The following NTRK2 variants were observed in gnomAD, a reference collection of about 807,000 sequenced individuals.
NTRK2 encodes neurotrophic receptor tyrosine kinase 2.
In NTRK2, 13 loss-of-function variants were observed where a neutral mutation model predicts 94.5. The observed-to-expected ratio is 0.14, with a 90% CI of 0.09 to 0.22. NTRK2 has a LOEUF of 0.22. NTRK2 is among the 10% of genes least tolerant of loss of function. NTRK2 has a pLI of 1.00. For synonymous variants in NTRK2, 372 were observed against 407.4 expected (o/e 0.91, Z 1.05); for missense variants, 639 against 1,071.2 (o/e 0.60, Z 5.63).
chr9:84,975,539 A>C (rs994408480), intron 17 of NTRK2, among the ~76,000 whole-genome samples: 1 of 152,242 alleles, frequency 6.6e-6, no homozygotes, highest in African/African-American at 2.4e-5. Flanking sequence ...TTGCACAGGC[A>C]GTGCAGCAGC....
intron 2 of NTRK2, among the ~76,000 whole-genome samples, chr9:84,678,937 A>G (rs550551742): frequency 1.3e-5 from 2 of 152,334 alleles, no homozygotes; most frequent in East Asian, 3.9e-4. Context: ...GTTGAAACTC[A>G]GTCACCAGGG....
In NTRK2 at chr9:84,808,477, G is replaced by A. The variant is rs1313831557; in HGVS notation, c.1397-52563G>A. 2.6e-5 allele frequency among the ~76,000 whole-genome samples: 4 copies of A among 152,306 alleles called. No homozygotes were observed. In the East Asian group the frequency reaches 7.7e-4, roughly 29 times the overall value. On this transcript the variant is annotated intron_variant, in intron 12 of 18. Transcript: ENST00000277120. Reference sequence around the variant, plus strand: ...AGTTTCTCCTGTTTTTATTGACAAAGTTGACATCCTTATATTAATACTCAT... The same window carrying A: ...AGTTTCTCCTGTTTTTATTGACAAAATTGACATCCTTATATTAATACTCAT...
intron 6 of NTRK2, among the ~76,000 whole-genome samples, chr9:84,713,046 CTATT>C (rs1354305330): frequency 1.3e-5 from 2 of 152,164 alleles, no homozygotes; most frequent in African/African-American, 4.8e-5. Flanking sequence ...ATGGCTGTAT[CTATT>C]TATGCCCACC....
At chr9:84,740,556 A>G (rs956410725) in intron 9 of NTRK2, among the ~76,000 whole-genome samples, 15 of 152,342 alleles carry the variant, frequency 9.8e-5, no homozygotes, top group African/African-American at 3.4e-4. Context: ...TGCACTGCAC[A>G]ATTTCCCATC....
At chr9:85,004,738 A>G (rs1407082011) in intron 17 of NTRK2, among the ~76,000 whole-genome samples, 1 of 152,214 alleles carries the variant, frequency 6.6e-6, no homozygotes, top group African/African-American at 2.4e-5. Flanking sequence ...CCAGGATACC[A>G]TAAGGGCAGC....
At chr9:84,754,888 G>T (rs1486934094) in intron 12 of NTRK2, among the ~76,000 whole-genome samples, 1 of 152,112 alleles carries the variant, frequency 6.6e-6, no homozygotes, top group East Asian at 1.9e-4. Context: ...GGTTTATTTC[G>T]AGTGTTGACT....
At chr9:84,979,439 G>T (rs1011657764) in intron 17 of NTRK2, among the ~76,000 whole-genome samples, 3 of 152,204 alleles carry the variant, frequency 2.0e-5, no homozygotes, top group Non-Finnish European at 4.4e-5. Context: ...CTGGAGATGT[G>T]ACTGAATTGT....
intron 14 of NTRK2, among the ~76,000 whole-genome samples, chr9:84,896,012 C>T (rs1397086620): frequency 6.6e-6 from 1 of 152,202 alleles, no homozygotes; most frequent in African/African-American, 2.4e-5. Context: ...GAGTAAGCCT[C>T]TCACCCTCTC....
chr9:84,872,920 G>A (rs2075918264), intron 14 of NTRK2: 1 of 1,065,230 alleles, frequency 9.4e-7, no homozygotes, highest in Non-Finnish European at 1.1e-6. Flanking sequence ...CTTCGTCCTT[G>A]TCTTACCAAT....
intron 2 of NTRK2, among the ~76,000 whole-genome samples, chr9:84,697,525 A>T (rs775063139): frequency 6.6e-6 from 1 of 152,210 alleles, no homozygotes; most frequent in Non-Finnish European, 1.5e-5. Context: ...ACTGCACTTT[A>T]ACAGGGGCAG....
intron 2 of NTRK2, among the ~76,000 whole-genome samples, chr9:84,695,667 A>G (rs1433933069): frequency 6.6e-6 from 1 of 152,182 alleles, no homozygotes; most frequent in Non-Finnish European, 1.5e-5. Context: ...TTCTTTATCC[A>G]CTTTCCGATC....
chr9:84,794,519 T>C (rs2069073262), intron 12 of NTRK2, among the ~76,000 whole-genome samples: 1 of 152,244 alleles, frequency 6.6e-6, no homozygotes, highest in African/African-American at 2.4e-5. Context: ...ATTGGGCATG[T>C]TACTTATCAT....
intron 15 of NTRK2, 149 bp downstream of exon 15, chr9:84,934,441 C>T (rs2078145034): frequency 1.1e-6 from 1 of 880,336 alleles, no homozygotes; most frequent in African/African-American, 1.7e-5. Flanking sequence ...ACTAAATGGA[C>T]AGTGGAAAGG....
chr9:84,923,682 C>T (rs997921978), intron 14 of NTRK2, among the ~76,000 whole-genome samples: 8 of 151,964 alleles, frequency 5.3e-5, no homozygotes, highest in South Asian at 2.1e-4. Context: ...TTTGGAAGGA[C>T]GAGGCGGGCA....
chr9:84,876,883 T>C (rs2076086996), intron 14 of NTRK2: 6 of 1,062,798 alleles, frequency 5.6e-6, no homozygotes, highest in Non-Finnish European at 6.8e-6. Context: ...TCTGGGTTGA[T>C]GGCAAAATTC....
chr9:84,814,742 G>A (rs199659601), intron 12 of NTRK2: 13 of 1,064,266 alleles, frequency 1.2e-5, no homozygotes, highest in Non-Finnish European at 1.5e-5. Context: ...GGGACAGCTG[G>A]ACTGAGGACA....
At chr9:84,908,195 G>T (rs912188273) in intron 14 of NTRK2, among the ~76,000 whole-genome samples, 8 of 152,162 alleles carry the variant, frequency 5.3e-5, no homozygotes, top group African/African-American at 1.4e-4. Context: ...TTTACCTCTG[G>T]GTCTGTATGA....
At position 84,891,152 on chromosome 9, in the gene NTRK2, G is replaced by A. The variant is rs949687406; in HGVS notation, c.1633+23721G>A. 3.3e-5 allele frequency among the ~76,000 whole-genome samples: 5 copies of A among 151,966 alleles called. No homozygotes were observed. In the East Asian group the frequency reaches 5.8e-4, roughly 18 times the overall value. On this transcript the variant is annotated intron_variant, in intron 14 of 18. Coordinates refer to ENST00000277120, the MANE Select transcript of NTRK2 (RefSeq NM_006180.6). ...GTTGGTGATTGCTGGCAGGGAATTC[G>A]GCTGGAATTGTCAGCCAAGGGCCCC...
intron 14 of NTRK2, chr9:84,873,942 C>G (rs1369161777): frequency 5.6e-6 from 6 of 1,063,098 alleles, no homozygotes; most frequent in Admixed American, 5.4e-5. Flanking sequence ...ACTCCCTCAT[C>G]ATCGGCCAAC....
Sources: allele counts gnomAD v4.1 joint callset (sites outside exome capture counted in the v4.1 genomes callset), GRCh38; gene constraint gnomAD v4.1.1; transcripts MANE v1.5; gene names NCBI Gene and HGNC (gene_info 2026-07-23, HGNC 2026-07-21).